The following CAPN5 variants were observed in gnomAD, a reference collection of about 807,000 sequenced individuals.
CAPN5 encodes calpain 5.
In CAPN5, 54 loss-of-function variants were observed where a neutral mutation model predicts 73.0. The ratio of observed to expected loss-of-function variants is 0.74; its 90% CI spans 0.59 to 0.93. The LOEUF is 0.93. CAPN5 is among the 40% of genes least tolerant of loss of function. CAPN5 has a pLI of 0.00. For missense variants in CAPN5, 785 were observed against 882.9 expected (o/e 0.89, Z 1.41); for synonymous variants, 335 against 356.9 (o/e 0.94, Z 0.69).
intron 7 of CAPN5, among the ~76,000 whole-genome samples, chr11:77,117,460 G>A (rs1193384184): frequency 1.3e-5 from 2 of 152,202 alleles, no homozygotes; most frequent in Non-Finnish European, 2.9e-5. Context: ...ACCCAATGAT[G>A]AACCCTTCTG....
chr11:77,074,887 GCCA>G (rs1949952035), intron 1 of CAPN5, among the ~76,000 whole-genome samples: 1 of 152,204 alleles, frequency 6.6e-6, no homozygotes. Flanking sequence ...CCAGTGGCTG[GCCA>G]CCAGGAAGAG....
At chr11:77,078,548 G>A (rs782275908) in intron 1 of CAPN5, among the ~76,000 whole-genome samples, 2 of 152,052 alleles carry the variant, frequency 1.3e-5, no homozygotes, top group Admixed American at 1.3e-4. Flanking sequence ...GCTATTCAGG[G>A]TCTTTTGTGA....
chr11:77,115,500 C>T lies in CAPN5; in HGVS notation c.805C>T (p.Leu269=). ...CAAGGTGCGCCTGGGCCACGGCCTA[C>T]TGGCCTTCTTCAAGTCAGAGAAGTT... ...VRKVRLGHGL[L]AFFKSEKLDM... The change falls in exon 6 of 13, where the codon CTG becomes TTG. Residue 269 remains leucine, a synonymous_variant. Transcript: ENST00000648180. 3 of 1,613,408 alleles carry T rather than the reference C, an allele frequency of 1.9e-6. No individual in the cohort carries two copies. The highest frequency in any genetic ancestry group is 2.5e-6 in the Non-Finnish European group (3 of 1,179,990).
In CAPN5 at chr11:77,126,082, TCTC is replaced by T. The variant is rs1555043836; in HGVS notation, c.*2213_*2215del. 1 of 152,194 alleles carries T rather than the reference TCTC, an allele frequency of 6.6e-6. No homozygotes were observed. Among genetic ancestry groups the T allele is most frequent in the African/African-American group, 2.4e-5 (1 of 41,448 alleles). The allele number at this position is 152,194 out of a possible 1,614,324, so 9.4% of individuals were successfully genotyped here. ...ACCACCCAGACCTAGGCTTCCCTCT[TCTC>T]AGGATCCACCACAGGGTTAGGGGAC... On this transcript the variant is annotated 3_prime_UTR_variant, in exon 13 of 13. Coordinates refer to ENST00000648180, the MANE Select transcript of CAPN5 (RefSeq NM_004055.5).
At chr11:77,092,701 G>A (rs1409176051) in intron 2 of CAPN5, among the ~76,000 whole-genome samples, 2 of 152,288 alleles carry the variant, frequency 1.3e-5, no homozygotes, top group Non-Finnish European at 1.5e-5. Flanking sequence ...TGGAGGCTGG[G>A]CGCAGTGGCT....
intron 3 of CAPN5, among the ~76,000 whole-genome samples, chr11:77,104,639 G>C (rs1162368987): frequency 6.6e-6 from 1 of 152,140 alleles, no homozygotes; most frequent in Non-Finnish European, 1.5e-5. Context: ...TTTTGGGGGA[G>C]TGCCTGACCT....
At chr11:77,071,484 G>T (rs1555033059) in intron 1 of CAPN5, 3 of 365,356 alleles carry the variant, frequency 8.2e-6, no homozygotes, top group Non-Finnish European at 1.8e-5. Context: ...CTACAAGGGG[G>T]TGGGGCTGGG....
At chr11:77,073,842 T>G (rs1270631451) in intron 1 of CAPN5, among the ~76,000 whole-genome samples, 2 of 152,150 alleles carry the variant, frequency 1.3e-5, no homozygotes, top group South Asian at 2.1e-4. Flanking sequence ...TGGGCCTGGT[T>G]GCCTTGGCTC....
intron 1 of CAPN5, among the ~76,000 whole-genome samples, chr11:77,069,900 GGT>G (rs1247434266): frequency 6.6e-6 from 1 of 152,164 alleles, no homozygotes. Context: ...CCTCCAGGCT[GGT>G]GGAGACACCC....
intron 1 of CAPN5, among the ~76,000 whole-genome samples, chr11:77,067,632 C>CGTGTGTGTGTGT (rs71043542): frequency 0.072 from 9,061 of 126,550 alleles, 392 homozygotes; most frequent in East Asian, 0.09. Context: ...GGCGGGCGCA[C>CGTGTGTGTGTGT]GTGTGTGTGT....
At chr11:77,084,295 C>G (rs1348188138) in intron 1 of CAPN5, among the ~76,000 whole-genome samples, 4 of 152,202 alleles carry the variant, frequency 2.6e-5, no homozygotes, top group South Asian at 2.1e-4. Context: ...GGCCTGCTCT[C>G]TACAGAATTA....
intron 10 of CAPN5, 48 bp downstream of exon 10, chr11:77,120,957 C>T: frequency 1.3e-6 from 2 of 1,555,896 alleles, no homozygotes; most frequent in Middle Eastern, 1.7e-4. Flanking sequence ...GTGACATTCA[C>T]ACTGGGCCAA....
In CAPN5 at chr11:77,093,752, G is replaced by A. The variant is rs782289501; in HGVS notation, c.236G>A (p.Gly79Asp). 6.2e-7 allele frequency: 1 copy of A among 1,612,270 alleles called. No homozygotes were observed. Residue 79 changes from glycine to aspartate, a missense_variant, in exon 3 of 13, where the codon GGC (glycine) becomes GAC (aspartate). Gly to Asp is a moderately conservative substitution (Grantham distance 94). Coordinates refer to ENST00000648180, the MANE Select transcript of CAPN5 (RefSeq NM_004055.5). ...CACGACCTGCACCAGGGCCAGGTGGGCAACTGCTGGTTTGTGGCAGCCTGC... is the reference window on the plus strand; with the variant it reads ...CACGACCTGCACCAGGGCCAGGTGGACAACTGCTGGTTTGTGGCAGCCTGC... Reference protein sequence around the residue: ...SSHDLHQGQVGNCWFVAACSS... With the variant: ...SSHDLHQGQVDNCWFVAACSS...
At chr11:77,101,197 G>A (rs1356445204) in intron 3 of CAPN5, among the ~76,000 whole-genome samples, 8 of 152,180 alleles carry the variant, frequency 5.3e-5, no homozygotes, top group African/African-American at 1.4e-4. Context: ...GCCTCTGTGT[G>A]GCAGGCCCCG....
At chr11:77,073,406 T>C (rs1555033446) in intron 1 of CAPN5, among the ~76,000 whole-genome samples, 1 of 152,026 alleles carries the variant, frequency 6.6e-6, no homozygotes, top group Admixed American at 6.5e-5. Flanking sequence ...CAGCGGCTCC[T>C]GCTGTCCCTA....
intron 3 of CAPN5, among the ~76,000 whole-genome samples, chr11:77,110,572 C>T (rs1310428849): frequency 6.6e-6 from 1 of 152,232 alleles, no homozygotes; most frequent in African/African-American, 2.4e-5. Flanking sequence ...AGCCTGTGGG[C>T]AGCCTTCTGC....
At chr11:77,073,487 C>G (rs2135407343) in intron 1 of CAPN5, among the ~76,000 whole-genome samples, 1 of 152,284 alleles carries the variant, frequency 6.6e-6, no homozygotes, top group South Asian at 2.1e-4. Context: ...AGGGTCAGGC[C>G]TCTGACTCAG....
chr11:77,102,153 G>A (rs1555038982), intron 3 of CAPN5, among the ~76,000 whole-genome samples: 1 of 152,198 alleles, frequency 6.6e-6, no homozygotes, highest in African/African-American at 2.4e-5. Flanking sequence ...CTGAGAGTGA[G>A]TCTGATGCTC....
intron 1 of CAPN5, among the ~76,000 whole-genome samples, chr11:77,084,062 C>G (rs1445943467): frequency 6.6e-6 from 1 of 152,184 alleles, no homozygotes; most frequent in Non-Finnish European, 1.5e-5. Flanking sequence ...GGTGGTCACT[C>G]AGGTGCTTGG....
Sources: gnomAD v4.1 joint callset for allele counts (sites outside exome capture counted in the v4.1 genomes callset) on GRCh38, gnomAD v4.1.1 for gene constraint, MANE v1.5 for transcripts, NCBI Gene and HGNC (gene_info 2026-07-23, HGNC 2026-07-21) for gene names.